SYT17: variants seen among roughly 807,000 people sequenced by gnomAD.
SYT17 encodes synaptotagmin 17, also known as synaptotagmin-17.
In SYT17, 22 loss-of-function variants were observed where a neutral mutation model predicts 46.7. That is an observed-to-expected ratio of 0.47 (90% CI 0.34 to 0.67). The LOEUF (loss-of-function observed/expected upper bound fraction) is 0.67. Among genes scored for constraint, SYT17 ranks in the 30% least tolerant of loss-of-function variants. The probability of loss-of-function intolerance (pLI) is 0.01; values close to 1 mark genes in which losing one functional copy is unlikely to be tolerated. For missense variants in SYT17, 519 were observed against 612.8 expected, an observed-to-expected ratio of 0.85 and a Z score of 1.62; for synonymous variants, 251 against 248.4, an observed-to-expected ratio of 1.01 and a Z score of -0.10.
intron 5 of SYT17, chr16:19,211,325 G>A (rs11541512): frequency 2.5e-5 from 17 of 685,532 alleles, no homozygotes; most frequent in Admixed American, 1.0e-4. Context: ...AACCCCTCTC[G>A]GCCCGTGGTG....
At chr16:19,173,806 C>A (rs966207555) in intron 3 of SYT17, among the ~76,000 whole-genome samples, 1 of 152,102 alleles carries the variant, frequency 6.6e-6, no homozygotes, top group African/African-American at 2.4e-5. Context: ...TTTAGTTCAC[C>A]TAGTGGCACA....
intron 5 of SYT17, among the ~76,000 whole-genome samples, chr16:19,221,639 G>A (rs1966322746): frequency 6.6e-6 from 1 of 152,124 alleles, no homozygotes; most frequent in South Asian, 2.1e-4. Context: ...TGTTTATTGA[G>A]TATCTACTAT....
intron 7 of SYT17, among the ~76,000 whole-genome samples, chr16:19,262,734 G>A (rs1342649618): frequency 6.6e-6 from 1 of 152,190 alleles, no homozygotes; most frequent in Non-Finnish European, 1.5e-5. Context: ...GGGTAGCTGA[G>A]CCTCCTTGCA....
intron 7 of SYT17, chr16:19,250,152 T>C: frequency 7.2e-7 from 1 of 1,381,710 alleles, no homozygotes; most frequent in Non-Finnish European, 9.5e-7. Flanking sequence ...TTTTAACATA[T>C]TGAAAGAATT....
At chr16:19,238,709 G>T (rs1966885983) in intron 7 of SYT17, among the ~76,000 whole-genome samples, 1 of 152,114 alleles carries the variant, frequency 6.6e-6, no homozygotes, top group East Asian at 1.9e-4. Context: ...GGGAGCTGAG[G>T]GTTTATCCAA....
At chr16:19,197,178 T>C (rs1230072175) in intron 5 of SYT17, among the ~76,000 whole-genome samples, 4 of 152,238 alleles carry the variant, frequency 2.6e-5, no homozygotes, top group Non-Finnish European at 5.9e-5. Flanking sequence ...TTAAAAATTG[T>C]TTCCCGCTCA....
chr16:19,230,086 G>A (rs1966626114), intron 7 of SYT17, among the ~76,000 whole-genome samples: 1 of 152,148 alleles, frequency 6.6e-6, no homozygotes, highest in Admixed American at 6.6e-5. Context: ...TATTTAATGG[G>A]TGCAGACTTT....
At chr16:19,190,240 G>A (rs1327770903) in intron 5 of SYT17, among the ~76,000 whole-genome samples, 2 of 152,072 alleles carry the variant, frequency 1.3e-5, no homozygotes, top group African/African-American at 2.4e-5. Context: ...GTGTGGTGGC[G>A]GGCACCTATA....
intron 5 of SYT17, among the ~76,000 whole-genome samples, chr16:19,195,309 G>T (rs367563444): frequency 6.6e-6 from 1 of 152,078 alleles, no homozygotes; most frequent in Admixed American, 6.5e-5. Context: ...AGCTGCAGAG[G>T]CTGTACTCTC....
At chr16:19,221,759 T>C (rs1966326653) in intron 5 of SYT17, among the ~76,000 whole-genome samples, 1 of 152,088 alleles carries the variant, frequency 6.6e-6, no homozygotes, top group Non-Finnish European at 1.5e-5. Flanking sequence ...ATGATAAAGA[T>C]AGATAATAGA....
chr16:19,173,834 C>T (rs1330369970), intron 3 of SYT17, among the ~76,000 whole-genome samples: 3 of 152,224 alleles, frequency 2.0e-5, no homozygotes, highest in South Asian at 2.1e-4. Flanking sequence ...TTCTGAGATA[C>T]GAACCGTGTA....
At chr16:19,171,327 T>TGA (rs56243946) in intron 1 of SYT17, 10 of 161,272 alleles carry the variant, frequency 6.2e-5, no homozygotes, top group East Asian at 1.7e-4. Flanking sequence ...ATGATGATGA[T>TGA]TATGATTATT....
chr16:19,261,851 C>T (rs1181881857), intron 7 of SYT17, among the ~76,000 whole-genome samples: 4 of 152,012 alleles, frequency 2.6e-5, no homozygotes, highest in African/African-American at 7.2e-5. Flanking sequence ...CATGGATTTC[C>T]GTGGTATTAT....
intron 7 of SYT17, among the ~76,000 whole-genome samples, chr16:19,262,756 C>T (rs974432632): frequency 6.6e-6 from 1 of 152,206 alleles, no homozygotes; most frequent in Non-Finnish European, 1.5e-5. Context: ...AGGTAGCTTG[C>T]AGAGGTCCAG....
intron 7 of SYT17, among the ~76,000 whole-genome samples, chr16:19,227,160 T>TAA (rs1459375513): frequency 6.6e-6 from 1 of 152,192 alleles, no homozygotes; most frequent in African/African-American, 2.4e-5. Flanking sequence ...CTGAGCACTG[T>TAA]GCCACCCATA....
Position 19,183,761 on chromosome 16 carries a change from C to G in SYT17, c.565C>G (p.His189Asp). ...ILSKYQLGML[H>D]FSTQYDLLHN... ...GTCCAAGTACCAGCTGGGCATGCTG[C>G]ACTTCAGCACTCAGTACGACCTGCT... is the stretch of plus-strand genomic sequence containing the variant. Residue 189 changes from histidine to aspartate, a missense_variant, in exon 5 of 8, where the codon CAC becomes GAC. Coordinates refer to ENST00000355377, the MANE Select transcript of SYT17 (RefSeq NM_016524.4). This position sits in a 1 kb window ranked among gnomAD's most constrained non-coding sequence, Gnocchi z 5.6. The G allele has an allele frequency of 6.2e-7, 1 of 1,614,216 alleles. No individual in the cohort carries two copies.
chr16:19,237,131 C>T (rs72779569), intron 7 of SYT17, among the ~76,000 whole-genome samples: 12,373 of 152,238 alleles, frequency 0.081, 586 homozygotes, highest in Non-Finnish European at 0.089. Context: ...AACTAGCAAC[C>T]GTGCAAAGTC....
intron 7 of SYT17, among the ~76,000 whole-genome samples, chr16:19,262,911 A>G (rs1220646458): frequency 6.6e-6 from 1 of 152,202 alleles, no homozygotes; most frequent in Non-Finnish European, 1.5e-5. Context: ...GCTGAGGGGT[A>G]GGCAGGGCAC....
intron 7 of SYT17, among the ~76,000 whole-genome samples, chr16:19,247,328 C>A (rs935279116): frequency 6.6e-6 from 1 of 152,216 alleles, no homozygotes; most frequent in African/African-American, 2.4e-5. Flanking sequence ...TCACCTATAT[C>A]TCTGCTGATG....
Sources: allele counts gnomAD v4.1 joint callset (sites outside exome capture counted in the v4.1 genomes callset), GRCh38; gene constraint gnomAD v4.1.1; non-coding constraint Gnocchi (gnomAD v3.1); transcripts MANE v1.5; gene names NCBI Gene and HGNC (gene_info 2026-07-23, HGNC 2026-07-21).